Variants in ETFA observed in about 807,000 individuals in gnomAD.
ETFA encodes electron transfer flavoprotein subunit alpha, also known as electron transfer flavoprotein subunit alpha, mitochondrial.
Under a neutral mutation model 46.2 loss-of-function variants are expected in ETFA, and 22 were observed. The observed-to-expected ratio is 0.48, with a 90% CI of 0.34 to 0.68. The LOEUF is 0.68. Ranked by LOEUF, ETFA falls within the 30% of genes least tolerant of loss-of-function variation. The pLI, the probability that ETFA is intolerant of heterozygous loss-of-function variation, is 0.01. For synonymous variants in ETFA, 131 were observed against 139.9 expected (o/e 0.94, Z 0.45); for missense variants, 345 against 401.1 (o/e 0.86, Z 1.19).
Position 76,216,601 on chromosome 15 carries a change from C to T in ETFA, c.964-4G>A, listed in dbSNP as rs777742977. 6.4e-7 allele frequency: 1 copy of T among 1,567,454 alleles called. No individual in the cohort carries two copies. The highest frequency in any genetic ancestry group is 8.8e-7 in the Non-Finnish European group (1 of 1,137,550). On this transcript the variant is annotated splice_polypyrimidine_tract_variant and splice_region_variant and intron_variant, in intron 11 of 11. Transcript: ENST00000557943. ...TCTCAGTCATTTCAGGAACTACCTGCAAATAAAAACAAAAAGTAATTAAGC... is the reference window on the plus strand; with the variant it reads ...TCTCAGTCATTTCAGGAACTACCTGTAAATAAAAACAAAAAGTAATTAAGC...
intron 10 of ETFA, among the ~76,000 whole-genome samples, chr15:76,227,530 G>GAAAAAAAAAAAAAAAAAAAAAAAAAAA (rs1567196426): frequency 2.0e-4 from 9 of 44,986 alleles, no homozygotes; most frequent in African/African-American, 6.2e-4. Flanking sequence ...AAAAAAAAAG[G>GAAAAAAAAAAAAAAAAAAAAAAAAAAA]AAAAGCTATC....
chr15:76,231,368 C>T lies in ETFA; in HGVS notation c.847G>A (p.Ala283Thr). 1 of 1,606,370 alleles carries T rather than the reference C, an allele frequency of 6.2e-7. No individual in the cohort carries two copies. The highest frequency in any genetic ancestry group is 8.5e-7 in the Non-Finnish European group (1 of 1,172,998). Residue 283 changes from alanine (A) to threonine (T), a missense_variant, in exon 10 of 12, where the codon GCC becomes ACC. Ala to Thr is a moderately conservative substitution (Grantham distance 58, BLOSUM62 0). Transcript: ENST00000557943. ...ELYIAVGISG[A>T]IQHLAGMKDS... Reference sequence around the variant, plus strand: ...TTCATCCCAGCTAAATGTTGGATGGCTCCAGATATTCCAACAGCAATATAA... The same window carrying T: ...TTCATCCCAGCTAAATGTTGGATGGTTCCAGATATTCCAACAGCAATATAA...
intron 11 of ETFA, among the ~76,000 whole-genome samples, chr15:76,225,218 ATTAC>A (rs891464212): frequency 7.9e-5 from 12 of 152,260 alleles, no homozygotes; most frequent in African/African-American, 2.9e-4. Context: ...CAGGTTATAA[ATTAC>A]TTGAATCACT....
At chr15:76,294,373 G>C (rs1408333038) in intron 2 of ETFA, among the ~76,000 whole-genome samples, 3 of 152,118 alleles carry the variant, frequency 2.0e-5, no homozygotes, top group African/African-American at 7.2e-5. Context: ...ATCACACATT[G>C]TGGCTGTATC....
At chr15:76,222,262 T>A (rs2038963359) in intron 11 of ETFA, among the ~76,000 whole-genome samples, 1 of 148,360 alleles carries the variant, frequency 6.7e-6, no homozygotes, top group Non-Finnish European at 1.5e-5. Context: ...ATACAAAAAA[T>A]AAAAATAAAA....
chr15:76,225,835 C>G lies in ETFA; in HGVS notation c.963+14G>C, dbSNP rs1369553684. On this transcript the variant is annotated intron_variant, in intron 11 of 11. Transcript: ENST00000557943. ...CAATCTAGATAATAGCAATTTCTCT[C>G]AAGGCCAGCTTACCTTAAATAAATC... is the stretch of plus-strand genomic sequence containing the variant. 1.3e-6 allele frequency: 2 copies of G among 1,552,528 alleles called. No homozygotes were observed. Among genetic ancestry groups the G allele is most frequent in the Non-Finnish European group, 1.8e-6 (2 of 1,123,952 alleles).
intron 1 of ETFA, among the ~76,000 whole-genome samples, chr15:76,309,056 T>C (rs2039963255): frequency 6.6e-6 from 1 of 152,234 alleles, no homozygotes; most frequent in South Asian, 2.1e-4. Context: ...TAAATACAGG[T>C]ATATGTCCCT....
intron 9 of ETFA, among the ~76,000 whole-genome samples, chr15:76,270,303 C>G (rs1596210473): frequency 6.6e-6 from 1 of 151,978 alleles, no homozygotes; most frequent in East Asian, 1.9e-4. Context: ...AGGTTTCTCA[C>G]CATAGGAGAA....
At chr15:76,229,692 T>C (rs1428495350) in intron 10 of ETFA, among the ~76,000 whole-genome samples, 1 of 152,212 alleles carries the variant, frequency 6.6e-6, no homozygotes, top group African/African-American at 2.4e-5. Flanking sequence ...AAACCTACCA[T>C]CCAACTGTAA....
At chr15:76,309,019 G>A (rs2039962908) in intron 1 of ETFA, among the ~76,000 whole-genome samples, 1 of 152,208 alleles carries the variant, frequency 6.6e-6, no homozygotes, top group Non-Finnish European at 1.5e-5. Context: ...TTTTCTATAA[G>A]TGCAACTATT....
At chr15:76,267,846 G>T (rs1028253053) in intron 9 of ETFA, among the ~76,000 whole-genome samples, 1 of 152,150 alleles carries the variant, frequency 6.6e-6, no homozygotes, top group African/African-American at 2.4e-5. Flanking sequence ...CAAAAAGCTG[G>T]GAAAAAGGAA....
chr15:76,272,195 A>T (rs902838070), intron 9 of ETFA, among the ~76,000 whole-genome samples: 8 of 151,168 alleles, frequency 5.3e-5, no homozygotes, highest in African/African-American at 1.7e-4. Flanking sequence ...CTGTCACTTC[A>T]GTGTATATCT....
At position 76,215,934 on chromosome 15, in the gene ETFA, C is replaced by T. The variant is rs966219802; in HGVS notation, c.*625G>A. 1.4e-4 allele frequency: 21 copies of T among 152,188 alleles called. No individual in the cohort carries two copies. Among genetic ancestry groups the T allele is most frequent in the African/African-American group, 4.6e-4 (19 of 41,436 alleles). 9.4% of individuals were successfully genotyped at this position (152,188 alleles called of 1,614,324 possible). A position where few individuals can be genotyped will look rare whatever the true frequency, so the allele number is the denominator to read the frequency against. The stretch of plus-strand genomic sequence containing the variant: ...AAACTGACAAAACCTTAAAATTAAA[C>T]GGAAAATGAAATTTACCTTAAGCCA... On this transcript the variant is annotated 3_prime_UTR_variant, in exon 12 of 12. Transcript: ENST00000557943.
intron 9 of ETFA, among the ~76,000 whole-genome samples, chr15:76,270,857 T>C (rs182444237): frequency 6.6e-6 from 1 of 152,266 alleles, no homozygotes; most frequent in African/African-American, 2.4e-5. Flanking sequence ...TCCATACTGA[T>C]ATAAACAAAT....
intron 9 of ETFA, among the ~76,000 whole-genome samples, chr15:76,273,503 C>T (rs1475359565): frequency 2.0e-5 from 3 of 151,776 alleles, no homozygotes; most frequent in South Asian, 2.1e-4. Context: ...TGCAGTGAGC[C>T]GAGATTACAC....
At chr15:76,218,777 A>G (rs2038925394) in intron 11 of ETFA, among the ~76,000 whole-genome samples, 1 of 152,180 alleles carries the variant, frequency 6.6e-6, no homozygotes, top group Non-Finnish European at 1.5e-5. Flanking sequence ...AAGACAACCT[A>G]CTGATATAAA....
intron 9 of ETFA, among the ~76,000 whole-genome samples, chr15:76,267,205 T>C (rs2039478278): frequency 6.6e-6 from 1 of 152,110 alleles, no homozygotes. Context: ...CCTACAGGAG[T>C]TTATAGTTCA....
At chr15:76,249,511 G>A (rs1208458150) in intron 9 of ETFA, among the ~76,000 whole-genome samples, 1 of 142,262 alleles carries the variant, frequency 7.0e-6, no homozygotes, top group Non-Finnish European at 1.5e-5. Flanking sequence ...GCGCGATCTC[G>A]GCTCACTGCA....
intron 9 of ETFA, among the ~76,000 whole-genome samples, chr15:76,251,490 C>A (rs1207995052): frequency 1.3e-5 from 2 of 152,218 alleles, no homozygotes; most frequent in East Asian, 1.9e-4. Flanking sequence ...TAATAGACGA[C>A]AAAAATCAGA....
Sources: allele counts gnomAD v4.1 joint callset (sites outside exome capture counted in the v4.1 genomes callset), GRCh38; gene constraint gnomAD v4.1.1; transcripts MANE v1.5; gene names NCBI Gene and HGNC (gene_info 2026-07-23, HGNC 2026-07-21).